Variants in SLCO3A1 observed in about 807,000 individuals in gnomAD.
SLCO3A1 encodes PGE1 transporter.
SLCO3A1 carries 27 observed loss-of-function variants against 63.1 expected under a neutral mutation model. The observed-to-expected ratio is 0.43, with a 90% CI of 0.32 to 0.59. The LOEUF (loss-of-function observed/expected upper bound fraction) is 0.59, where lower values mean the gene tolerates loss of function less well. SLCO3A1 is among the 20% of genes least tolerant of loss of function. SLCO3A1 has a pLI of 0.09. For missense variants in SLCO3A1, 773 were observed against 945.8 expected, an observed-to-expected ratio of 0.82 and a Z score of 2.40; for synonymous variants, 473 against 409.9, an observed-to-expected ratio of 1.15 and a Z score of -1.86.
chr15:92,051,234 C>G (rs936190450), intron 2 of SLCO3A1, among the ~76,000 whole-genome samples: 1 of 152,136 alleles, frequency 6.6e-6, no homozygotes, highest in Non-Finnish European at 1.5e-5. Flanking sequence ...GAACTTGAAA[C>G]AGGTGTGATT....
chr15:92,028,067 A>G (rs1483543603), intron 2 of SLCO3A1, among the ~76,000 whole-genome samples: 1 of 152,042 alleles, frequency 6.6e-6, no homozygotes, highest in East Asian at 1.9e-4. Context: ...AAAACCCATC[A>G]CTCTGCTTAT....
intron 2 of SLCO3A1, among the ~76,000 whole-genome samples, chr15:92,087,559 C>T (rs1294095658): frequency 7.5e-6 from 1 of 132,510 alleles, no homozygotes; most frequent in Non-Finnish European, 1.5e-5. Flanking sequence ...GCTTTTGTTG[C>T]TCAGGCTGGA....
At chr15:91,889,915 C>T (rs925524237) in intron 1 of SLCO3A1, among the ~76,000 whole-genome samples, 2 of 151,850 alleles carry the variant, frequency 1.3e-5, no homozygotes, top group Admixed American at 6.5e-5. Flanking sequence ...GTCTAGTCCG[C>T]GTATCCTAGA....
intron 2 of SLCO3A1, among the ~76,000 whole-genome samples, chr15:91,960,299 G>A (rs958303250): frequency 6.6e-6 from 1 of 152,122 alleles, no homozygotes; most frequent in Non-Finnish European, 1.5e-5. Context: ...GGCCTTTTAT[G>A]ACTGCCTTCT....
intron 3 of SLCO3A1, among the ~76,000 whole-genome samples, chr15:92,096,387 G>T (rs2047539611): frequency 6.6e-6 from 1 of 152,234 alleles, no homozygotes; most frequent in Non-Finnish European, 1.5e-5. Context: ...ACTATGGAAA[G>T]AGAAGGGATT....
In SLCO3A1 at chr15:92,133,812, G is replaced by A. The variant is rs553312963; in HGVS notation, c.1512+5323G>A. Among the ~76,000 whole-genome samples, 48 of 111,390 alleles carry A rather than the reference G, an allele frequency of 4.3e-4. 5 individuals carry two copies. Among genetic ancestry groups the A allele is most frequent in the African/African-American group, 1.2e-3 (42 of 33,618 alleles). The allele number at this position is 111,390 out of a possible 152,430, so 73.1% of individuals were successfully genotyped here. A position where few individuals can be genotyped will look rare whatever the true frequency, so the allele number is the denominator to read the frequency against. ...TACAATGTAATAATAGAAATAAAGC[G>A]CATGATAAATGTGATGTGCTTGAAT... is the stretch of plus-strand genomic sequence containing the variant. On this transcript the variant is annotated intron_variant, in intron 7 of 9. Coordinates refer to ENST00000318445, the MANE Select transcript of SLCO3A1 (RefSeq NM_013272.4).
intron 2 of SLCO3A1, among the ~76,000 whole-genome samples, chr15:92,074,104 G>C (rs2047248131): frequency 6.6e-6 from 1 of 152,252 alleles, no homozygotes; most frequent in Non-Finnish European, 1.5e-5. Flanking sequence ...CGAGGAGGCA[G>C]AGGTTGCAGT....
At chr15:91,919,957 G>A (rs1320620069) in intron 2 of SLCO3A1, among the ~76,000 whole-genome samples, 1 of 152,126 alleles carries the variant, frequency 6.6e-6, no homozygotes, top group Admixed American at 6.5e-5. Context: ...CTATGAAAAT[G>A]TGTTCAAGAT....
chr15:92,051,993 G>A (rs2046963697), intron 2 of SLCO3A1, among the ~76,000 whole-genome samples: 1 of 152,204 alleles, frequency 6.6e-6, no homozygotes, highest in African/African-American at 2.4e-5. Context: ...AAGACCAAAT[G>A]ACACAGCTTT....
intron 2 of SLCO3A1, among the ~76,000 whole-genome samples, chr15:92,013,972 C>A (rs1306729825): frequency 6.6e-6 from 1 of 152,128 alleles, no homozygotes; most frequent in Non-Finnish European, 1.5e-5. Flanking sequence ...TAGGTTTTCA[C>A]CAAAAATAGG....
chr15:91,941,799 C>A lies in SLCO3A1; in HGVS notation c.646+25341C>A, dbSNP rs1008090435. 3.9e-5 allele frequency among the ~76,000 whole-genome samples: 6 copies of A among 152,220 alleles called. No individual in the cohort carries two copies. Among genetic ancestry groups the A allele is most frequent in the Non-Finnish European group, 5.9e-5 (4 of 68,040 alleles). ...TGAGAGCGCTCAGGCTTCCCTCTCT[C>A]CTCTGCCCAATGCAGTGCTTTGCAT... On this transcript the variant is annotated intron_variant, in intron 2 of 9. Coordinates refer to ENST00000318445, the MANE Select transcript of SLCO3A1 (RefSeq NM_013272.4). The surrounding 1 kb of genome is among the most constrained non-coding windows in gnomAD (Gnocchi z 4.4).
intron 1 of SLCO3A1, among the ~76,000 whole-genome samples, chr15:91,871,754 G>GTTTTTTTTGGTTTTTTTTTTTTTTT (rs1897283285): frequency 1.6e-5 from 1 of 63,594 alleles, no homozygotes; most frequent in Non-Finnish European, 3.1e-5. Context: ...TGCTCATTTT[G>GTTTTTTTTGGTTTTTTTTTTTTTTT]TTTTTTTTTG....
rs1318838638 is a variant in SLCO3A1 at position 92,016,246 on chromosome 15, TAGATAGATTAGA to T, written c.647-78634_647-78623del. On this transcript the variant is annotated intron_variant, in intron 2 of 9. Transcript: ENST00000318445. ...ATAGATAGATAGATAGATAGATAGA[TAGATAGATTAGA>T]TAGATAGATAGATAGATAGATAGAT... is the stretch of plus-strand genomic sequence containing the variant. 8.7e-3 allele frequency among the ~76,000 whole-genome samples: 460 copies of T among 52,856 alleles called. 5 individuals carry two copies. Among genetic ancestry groups the T allele is most frequent in the African/African-American group, 0.046 (419 of 9,168 alleles). 34.7% of individuals were successfully genotyped at this position (52,856 alleles called of 152,430 possible). A position where few individuals can be genotyped will look rare whatever the true frequency, so the allele number is the denominator to read the frequency against.
intron 9 of SLCO3A1, among the ~76,000 whole-genome samples, chr15:92,156,235 G>A (rs908827733): frequency 3.9e-5 from 6 of 152,196 alleles, no homozygotes; most frequent in African/African-American, 1.4e-4. Context: ...TGAGAGATGA[G>A]AGGGAGTGAG....
At chr15:91,881,559 T>G (rs1897586899) in intron 1 of SLCO3A1, among the ~76,000 whole-genome samples, 1 of 102,504 alleles carries the variant, frequency 9.8e-6, no homozygotes, top group African/African-American at 4.3e-5. Flanking sequence ...CTATTTAATA[T>G]TTAAGCTGTT....
At chr15:91,961,871 A>T (rs779894849) in intron 2 of SLCO3A1, among the ~76,000 whole-genome samples, 1 of 152,278 alleles carries the variant, frequency 6.6e-6, no homozygotes, top group Admixed American at 6.5e-5. Flanking sequence ...TTCTCAGAAC[A>T]TGGAAGGGAC....
At chr15:91,906,037 G>T (rs948060312) in intron 1 of SLCO3A1, among the ~76,000 whole-genome samples, 16 of 152,138 alleles carry the variant, frequency 1.1e-4, no homozygotes, top group Middle Eastern at 3.2e-3. Context: ...TTAGCTGCGT[G>T]GCATCAATGG....
chr15:91,918,934 T>C (rs1050620566), intron 2 of SLCO3A1, among the ~76,000 whole-genome samples: 10 of 152,202 alleles, frequency 6.6e-5, no homozygotes, highest in African/African-American at 2.2e-4. Context: ...CCACAACCAA[T>C]TGTCTGGTCA....
chr15:91,863,277 G>A lies in SLCO3A1; in HGVS notation c.180+9189G>A, dbSNP rs1666986478. ...CTGTCCCCCTGGAACTCAGCTGGCT[G>A]TGCTGTCAGCACCAGCTCCCCTTCT... On this transcript the variant is annotated intron_variant, in intron 1 of 9. Transcript: ENST00000318445. This position sits in a 1 kb window ranked among gnomAD's most constrained non-coding sequence, Gnocchi z 4.3. Among the ~76,000 whole-genome samples the A allele has an allele frequency of 6.6e-6, 1 of 152,252 alleles. No individual in the cohort carries two copies. The highest frequency in any genetic ancestry group is 2.4e-5 in the African/African-American group (1 of 41,474).
Sources: allele counts gnomAD v4.1 joint callset (sites outside exome capture counted in the v4.1 genomes callset), GRCh38; gene constraint gnomAD v4.1.1; non-coding constraint Gnocchi (gnomAD v3.1); transcripts MANE v1.5; gene names NCBI Gene and HGNC (gene_info 2026-07-23, HGNC 2026-07-21).